The following DNAH17 variants were observed in gnomAD, a reference collection of about 807,000 sequenced individuals.
DNAH17 encodes the protein axonemal beta dynein heavy chain 17.
A neutral mutation model predicts 485.6 loss-of-function variants in DNAH17; 376 were observed. The ratio of observed to expected loss-of-function variants is 0.77; its 90% confidence interval spans 0.71 to 0.84. The LOEUF (loss-of-function observed/expected upper bound fraction) is 0.84. Ranked by LOEUF, DNAH17 falls within the 40% of genes least tolerant of loss-of-function variation. The probability of loss-of-function intolerance (pLI) is 0.00; values close to 1 mark genes in which losing one functional copy is unlikely to be tolerated. For missense variants in DNAH17, 6,370 were observed against 5,839.3 expected, an observed-to-expected ratio of 1.09 and a Z score of -2.96; for synonymous variants, 3,031 against 2,405.9, an observed-to-expected ratio of 1.26 and a Z score of -7.60.
intron 16 of DNAH17, among the ~76,000 whole-genome samples, chr17:78,548,029 C>T (rs1343828912): frequency 5.9e-5 from 9 of 152,114 alleles, no homozygotes; most frequent in Admixed American, 1.3e-4. Context: ...AATTGTCCTC[C>T]GTTTAATATA....
intron 66 of DNAH17, 38 bp downstream of exon 66, chr17:78,451,431 G>A (rs777513105): frequency 3.8e-5 from 60 of 1,568,824 alleles, no homozygotes; most frequent in Middle Eastern, 4.3e-4. Flanking sequence ...TGTGTGGGAC[G>A]GCACCTCCTC....
rs2090239977 is a variant in DNAH17, at chr17:78,500,438, G to A, written c.5507C>T (p.Ser1836Phe). ...TDRCYITLTQ[S>F]LHLIMGGAPA... ...GGCTCCACCCATGATGAGATGGAGG[G>A]ACTGGGTCAGGGTGATATAGCACCT... Residue 1836 changes from serine (S) to phenylalanine (F), a missense_variant, in exon 36 of 81, where the codon TCC becomes TTC. By Grantham distance (155) the Ser-to-Phe change is radical. Coordinates refer to ENST00000389840, the MANE Select transcript of DNAH17 (RefSeq NM_173628.4). 2.5e-6 allele frequency: 4 copies of A among 1,602,818 alleles called. No homozygotes were observed. The highest frequency in any genetic ancestry group is 2.2e-5 in the South Asian group (2 of 89,640).
chr17:78,558,447 C>CTGACATCACCCTCCTGGGTGGA (rs2092076046), intron 13 of DNAH17, among the ~76,000 whole-genome samples, 193 bp from the exon 14 acceptor site: 1 of 89,552 alleles, frequency 1.1e-5, no homozygotes, highest in Non-Finnish European at 2.4e-5. Flanking sequence ...CCGGAAAGCA[C>CTGACATCACCCTCCTGGGTGGA]TGACATCACC....
At position 78,479,676 on chromosome 17, in the gene DNAH17, G is replaced by A. The variant is rs761072492; in HGVS notation, c.7753-44C>T. ...ACACTCCAGTCAGCCAGCTCTTGGG[G>A]ACCTGCCTGGGGCCAGGGCCACCTT... On this transcript the variant is annotated intron_variant, in intron 49 of 80. Transcript: ENST00000389840. 6.2e-6 allele frequency: 10 copies of A among 1,606,504 alleles called. No homozygotes were observed. In the Admixed American group the frequency reaches 6.8e-5, roughly 11 times the overall value.
At chr17:78,481,513 G>A (rs183767266) in intron 48 of DNAH17, among the ~76,000 whole-genome samples, 42 of 152,302 alleles carry the variant, frequency 2.8e-4, no homozygotes, top group African/African-American at 9.6e-4. Flanking sequence ...TTATGTTCCA[G>A]CTCTTCCCCT....
At chr17:78,555,963 G>A (rs1219814223) in intron 14 of DNAH17, among the ~76,000 whole-genome samples, 3 of 152,204 alleles carry the variant, frequency 2.0e-5, no homozygotes, top group Non-Finnish European at 4.4e-5. Flanking sequence ...TTTGGACTCA[G>A]AGTAACACCA....
intron 19 of DNAH17, among the ~76,000 whole-genome samples, chr17:78,533,747 C>G (rs1379441924): frequency 6.6e-6 from 1 of 152,122 alleles, no homozygotes; most frequent in Non-Finnish European, 1.5e-5. Flanking sequence ...TGCAGTGGCC[C>G]GATCTCAGCT....
At chr17:78,508,015 A>G (rs576416790) in intron 27 of DNAH17, among the ~76,000 whole-genome samples, 1 of 152,346 alleles carries the variant, frequency 6.6e-6, no homozygotes, top group African/African-American at 2.4e-5. Context: ...ATAATGGAAC[A>G]TAAGCCACTA....
intron 11 of DNAH17, among the ~76,000 whole-genome samples, chr17:78,563,303 G>A (rs2092197628): frequency 2.0e-5 from 3 of 152,100 alleles, no homozygotes; most frequent in Middle Eastern, 3.2e-3. Flanking sequence ...ACATGGAAAC[G>A]CTGGTGTCCT....
intron 74 of DNAH17, among the ~76,000 whole-genome samples, chr17:78,436,869 CAA>C (rs1249971511): frequency 4.9e-4 from 75 of 151,938 alleles, no homozygotes; most frequent in African/African-American, 9.2e-4. Flanking sequence ...AACAAACAAA[CAA>C]ACAAACAAAC....
At chr17:78,563,400 G>GA (rs113062962) in intron 11 of DNAH17, among the ~76,000 whole-genome samples, 114 of 148,022 alleles carry the variant, frequency 7.7e-4, no homozygotes, top group African/African-American at 1.7e-3. Context: ...GGGGCAGTTG[G>GA]AAAAAAAAAA....
At chr17:78,509,264 T>TC (rs1010327009) in intron 27 of DNAH17, among the ~76,000 whole-genome samples, 1 of 151,326 alleles carries the variant, frequency 6.6e-6, no homozygotes. Context: ...CCGTGCCCGG[T>TC]CCCCCGCTAA....
chr17:78,439,908 G>A (rs377268545), intron 72 of DNAH17, among the ~76,000 whole-genome samples: 12 of 152,084 alleles, frequency 7.9e-5, no homozygotes, highest in Non-Finnish European at 1.3e-4. Context: ...GACCTCAGGC[G>A]ATCCACCTGC....
At chr17:78,444,554 A>C in intron 71 of DNAH17, 50 bp downstream of exon 71, 2 of 1,495,420 alleles carry the variant, frequency 1.3e-6, no homozygotes, top group Non-Finnish European at 1.8e-6. Context: ...TCAAGCTTCC[A>C]TCAGGCCTGG....
chr17:78,495,915 C>T lies in DNAH17; in HGVS notation c.5863G>A (p.Gly1955Arg), dbSNP rs764578497. The T allele has an allele frequency of 3.7e-6, 6 of 1,613,732 alleles. No individual in the cohort carries two copies. The highest frequency in any genetic ancestry group is 1.3e-5 in the African/African-American group (1 of 74,902). Reference protein sequence around the residue: ...IFITMNPGYAGRAELPENLKA... With the variant: ...IFITMNPGYARRAELPENLKA... ...AGGTTCTCAGGCAGCTCCGCGCGTC[C>T]GGCGTACCCAGGGTTCATGGTGATG... The change falls in exon 38 of 81, where the codon GGA (glycine) becomes AGA (arginine). Residue 1955 changes from glycine to arginine, a missense_variant. Physicochemically the swap from Gly to Arg is moderately radical, Grantham distance 125. Transcript: ENST00000389840.
Position 78,423,969 on chromosome 17 carries a change from CAAGTT to C in DNAH17, c.13321_13325del (p.Asn4441GlufsTer61), listed in dbSNP as rs1568025618. 2 of 1,614,008 alleles carry C rather than the reference CAAGTT, an allele frequency of 1.2e-6. No individual in the cohort carries two copies. The highest frequency in any genetic ancestry group is 2.2e-5 in the South Asian group (2 of 91,082). On this transcript the variant is annotated frameshift_variant, in exon 81 of 81. Coordinates refer to ENST00000389840, the MANE Select transcript of DNAH17 (RefSeq NM_173628.4). LOFTEE classifies it high-confidence loss of function. ...ACTTCGCTGCCTTCTCTTTGGTCTTCAAGTTAAAGGTCCAGACATAGGTGGGGCCG... is the reference window on the plus strand; with the variant it reads ...ACTTCGCTGCCTTCTCTTTGGTCTTCAAAGGTCCAGACATAGGTGGGGCCG...
At chr17:78,502,859 G>A (rs1422120639) in intron 32 of DNAH17, 27 bp downstream of exon 32, 14 of 1,606,862 alleles carry the variant, frequency 8.7e-6, no homozygotes, top group South Asian at 5.5e-5. Flanking sequence ...GCCACGAGGC[G>A]CCGCCGAGCC....
chr17:78,515,668 A>G (rs2090760986), intron 25 of DNAH17, among the ~76,000 whole-genome samples: 1 of 152,236 alleles, frequency 6.6e-6, no homozygotes, highest in South Asian at 2.1e-4. Context: ...ATGCCTGACA[A>G]TACCCAGCTT....
intron 19 of DNAH17, among the ~76,000 whole-genome samples, chr17:78,534,881 G>A (rs1299784177): frequency 6.6e-6 from 1 of 152,192 alleles, no homozygotes; most frequent in East Asian, 1.9e-4. Context: ...TGGCCACCCT[G>A]GTACCCATGG....
Sources: allele counts gnomAD v4.1 joint callset (sites outside exome capture counted in the v4.1 genomes callset), GRCh38; gene constraint gnomAD v4.1.1; transcripts MANE v1.5; gene names NCBI Gene and HGNC (gene_info 2026-07-23, HGNC 2026-07-21).